The following CSMD3 variants were observed in gnomAD, a reference collection of about 807,000 sequenced individuals.
CSMD3 encodes the protein CUB and sushi domain-containing protein 3.
A neutral mutation model predicts 435.2 loss-of-function variants in CSMD3; 177 were observed. The observed-to-expected ratio is 0.41, with a 90% CI of 0.36 to 0.46. The LOEUF is 0.46. CSMD3 is among the 20% of genes least tolerant of loss of function. The pLI, the probability that CSMD3 is intolerant of heterozygous loss-of-function variation, is 0.34. For synonymous variants in CSMD3, 1,656 were observed against 1,520.5 expected, an observed-to-expected ratio of 1.09 and a Z score of -2.07; for missense variants, 4,265 against 4,504.6, an observed-to-expected ratio of 0.95 and a Z score of 1.52.
chr8:112,540,248 C>T (rs1826532524), intron 27 of CSMD3, among the ~76,000 whole-genome samples: 1 of 151,772 alleles, frequency 6.6e-6, no homozygotes. Context: ...TATCTCACGC[C>T]AGTTAAAATG....
At chr8:113,331,526 A>T (rs1400821131) in intron 1 of CSMD3, among the ~76,000 whole-genome samples, 1 of 151,768 alleles carries the variant, frequency 6.6e-6, no homozygotes, top group Non-Finnish European at 1.5e-5. Context: ...TGATAAAAAT[A>T]TCCTTGATGA....
At chr8:112,443,625 G>T (rs977808716) in intron 32 of CSMD3, among the ~76,000 whole-genome samples, 2 of 151,724 alleles carry the variant, frequency 1.3e-5, no homozygotes, top group African/African-American at 4.8e-5. Context: ...TAAAAGAAGG[G>T]AAAAAAGTAA....
intron 2 of CSMD3, among the ~76,000 whole-genome samples, chr8:113,299,622 A>G (rs1369260100): frequency 6.6e-6 from 1 of 152,160 alleles, no homozygotes; most frequent in Non-Finnish European, 1.5e-5. Flanking sequence ...AATGCTTAAC[A>G]TCACCAGTCA....
intron 49 of CSMD3, among the ~76,000 whole-genome samples, chr8:112,313,171 G>C (rs1822143128): frequency 6.6e-6 from 1 of 152,144 alleles, no homozygotes; most frequent in African/African-American, 2.4e-5. Context: ...TATTGGTTCA[G>C]TATCAGTAGA....
At chr8:112,744,021 T>C (rs1294234277) in intron 13 of CSMD3, among the ~76,000 whole-genome samples, 5 of 152,006 alleles carry the variant, frequency 3.3e-5, no homozygotes. Flanking sequence ...TGTTATTATA[T>C]GCAGCATACT....
At chr8:112,824,803 A>T (rs2079629818) in intron 12 of CSMD3, among the ~76,000 whole-genome samples, 1 of 151,922 alleles carries the variant, frequency 6.6e-6, no homozygotes, top group African/African-American at 2.4e-5. Context: ...CTTCTTATGG[A>T]GTATCTTAGT....
intron 10 of CSMD3, among the ~76,000 whole-genome samples, chr8:112,859,649 T>A (rs2129869256): frequency 6.6e-6 from 1 of 151,944 alleles, no homozygotes; most frequent in East Asian, 1.9e-4. Context: ...TTTTCATTTG[T>A]GTTTATTAAG....
chr8:113,071,822 T>G (rs925521211), intron 5 of CSMD3, among the ~76,000 whole-genome samples: 1 of 151,858 alleles, frequency 6.6e-6, no homozygotes, highest in Non-Finnish European at 1.5e-5. Context: ...ATATCAATTT[T>G]ATGAATTTTT....
intron 4 of CSMD3, among the ~76,000 whole-genome samples, chr8:113,125,227 A>G (rs1229074568): frequency 6.6e-6 from 1 of 151,982 alleles, no homozygotes; most frequent in Non-Finnish European, 1.5e-5. Context: ...CAATGATTAC[A>G]CAAGGGCTCC....
At chr8:112,447,471 C>T (rs1367139014) in intron 32 of CSMD3, among the ~76,000 whole-genome samples, 1 of 152,074 alleles carries the variant, frequency 6.6e-6, no homozygotes, top group Non-Finnish European at 1.5e-5. Context: ...ACTGTAGTTC[C>T]TGAAACTCAG....
At chr8:112,588,754 T>C (rs1830938494) in intron 22 of CSMD3, among the ~76,000 whole-genome samples, 1 of 152,154 alleles carries the variant, frequency 6.6e-6, no homozygotes, top group African/African-American at 2.4e-5. Context: ...ATACCTTTAA[T>C]TACTCTATGC....
intron 3 of CSMD3, among the ~76,000 whole-genome samples, chr8:113,232,452 T>C (rs1172459117): frequency 6.6e-6 from 1 of 151,734 alleles, no homozygotes; most frequent in Non-Finnish European, 1.5e-5. Context: ...TTAAAATGTG[T>C]AATCTCACTC....
intron 13 of CSMD3, among the ~76,000 whole-genome samples, chr8:112,799,738 T>G (rs1413231071): frequency 6.6e-6 from 1 of 151,982 alleles, no homozygotes; most frequent in Non-Finnish European, 1.5e-5. Flanking sequence ...TATTTATATG[T>G]TTGATAGATT....
intron 1 of CSMD3, among the ~76,000 whole-genome samples, chr8:113,373,423 C>T (rs913428839): frequency 1.5e-3 from 232 of 152,122 alleles, no homozygotes; most frequent in African/African-American, 5.3e-3. Flanking sequence ...TACACAGGCT[C>T]GCTCACAATA....
intron 10 of CSMD3, among the ~76,000 whole-genome samples, chr8:112,900,973 T>A (rs901113620): frequency 1.4e-4 from 21 of 151,388 alleles, no homozygotes; most frequent in African/African-American, 4.1e-4. Flanking sequence ...TTCTCAACAG[T>A]CTGGCAGTCA....
intron 4 of CSMD3, among the ~76,000 whole-genome samples, chr8:113,132,350 C>T (rs928018125): frequency 6.6e-6 from 1 of 151,938 alleles, no homozygotes; most frequent in Non-Finnish European, 1.5e-5. Context: ...AATTTGTGTC[C>T]CTGCCCAAGT....
intron 13 of CSMD3, among the ~76,000 whole-genome samples, chr8:112,696,124 A>G (rs1036682968): frequency 6.6e-6 from 1 of 152,230 alleles, no homozygotes; most frequent in African/African-American, 2.4e-5. Context: ...ATGAAGAATC[A>G]GTATCGTGAA....
At chr8:113,190,780 G>A (rs545646163) in intron 3 of CSMD3, among the ~76,000 whole-genome samples, 36 of 151,378 alleles carry the variant, frequency 2.4e-4, no homozygotes, top group African/African-American at 8.5e-4. Context: ...ACAACTTTGC[G>A]AATGCTGTTC....
chr8:112,342,131 G>A (rs1423476126), intron 41 of CSMD3, among the ~76,000 whole-genome samples: 2 of 152,052 alleles, frequency 1.3e-5, no homozygotes, highest in Non-Finnish European at 2.9e-5. Context: ...TGCATTAGAA[G>A]TTATTCATTC....
Sources: allele counts gnomAD v4.1 joint callset (sites outside exome capture counted in the v4.1 genomes callset), GRCh38; gene constraint gnomAD v4.1.1; transcripts MANE v1.5; gene names NCBI Gene and HGNC (gene_info 2026-07-23, HGNC 2026-07-21).